Variants in NKAIN2 observed in about 807,000 individuals in gnomAD.
NKAIN2 encodes the protein sodium/potassium transporting ATPase interacting 2.
NKAIN2 carries 14 observed loss-of-function variants against 32.6 expected under a neutral mutation model. That is an observed-to-expected ratio of 0.43 (90% CI 0.28 to 0.67). NKAIN2 has a LOEUF of 0.67. NKAIN2 is among the 30% of genes least tolerant of loss of function. The pLI, the probability that NKAIN2 is intolerant of heterozygous loss-of-function variation, is 0.17. For missense variants in NKAIN2, 198 were observed against 258.3 expected, an observed-to-expected ratio of 0.77 and a Z score of 1.60; for synonymous variants, 80 against 87.2, an observed-to-expected ratio of 0.92 and a Z score of 0.46.
chr6:124,421,549 G>A (rs1774750942), intron 3 of NKAIN2, among the ~76,000 whole-genome samples: 1 of 152,096 alleles, frequency 6.6e-6, no homozygotes. Context: ...CATTTTAATA[G>A]GTTCTACAGT....
chr6:124,100,968 T>A (rs1464799676), intron 1 of NKAIN2, among the ~76,000 whole-genome samples: 2 of 152,150 alleles, frequency 1.3e-5, no homozygotes, highest in Non-Finnish European at 2.9e-5. Flanking sequence ...TTGCCACAGG[T>A]GCTATATTTA....
At chr6:123,930,973 A>G (rs1180171659) in intron 1 of NKAIN2, among the ~76,000 whole-genome samples, 1 of 152,174 alleles carries the variant, frequency 6.6e-6, no homozygotes, top group Non-Finnish European at 1.5e-5. Context: ...TTCAGGAGGA[A>G]AATGAGCTCT....
At chr6:124,815,033 AC>A (rs936634992) in intron 5 of NKAIN2, among the ~76,000 whole-genome samples, 2 of 151,616 alleles carry the variant, frequency 1.3e-5, no homozygotes, top group African/African-American at 4.8e-5. Context: ...ATCTATTGTA[AC>A]CCACTCTCCA....
chr6:124,527,235 G>A (rs1002206760), intron 3 of NKAIN2, among the ~76,000 whole-genome samples: 12 of 152,074 alleles, frequency 7.9e-5, no homozygotes, highest in Admixed American at 3.9e-4. Context: ...TATATACTCC[G>A]TAACTTGGAT....
chr6:124,811,753 G>A (rs929261097), intron 5 of NKAIN2, among the ~76,000 whole-genome samples: 22 of 152,062 alleles, frequency 1.4e-4, no homozygotes, highest in African/African-American at 4.8e-4. Flanking sequence ...TGGAGGTGAT[G>A]GATATGTTAT....
intron 1 of NKAIN2, among the ~76,000 whole-genome samples, chr6:123,974,070 T>C (rs1286453332): frequency 6.6e-6 from 1 of 152,114 alleles, no homozygotes; most frequent in East Asian, 1.9e-4. Flanking sequence ...TGAAAATGAA[T>C]CTGTAATACC....
chr6:124,437,871 G>GGTTT (rs751652394), intron 3 of NKAIN2: 4,945 of 344,418 alleles, frequency 0.014, 186 homozygotes, highest in African/African-American at 0.077. Flanking sequence ...CTGATCTATT[G>GGTTT]ATTTTTTTTT....
At chr6:124,625,435 C>T (rs190716970) in intron 3 of NKAIN2, among the ~76,000 whole-genome samples, 13 of 152,072 alleles carry the variant, frequency 8.5e-5, no homozygotes, top group African/African-American at 2.4e-4. Context: ...CAGGACAATG[C>T]GAGAGCTTAT....
chr6:124,602,532 G>A (rs536071570), intron 3 of NKAIN2, among the ~76,000 whole-genome samples: 9 of 151,986 alleles, frequency 5.9e-5, no homozygotes, highest in African/African-American at 2.2e-4. Flanking sequence ...AGAAATAAAT[G>A]CAAATTGTGG....
At chr6:124,413,020 G>T (rs1774284344) in intron 3 of NKAIN2, among the ~76,000 whole-genome samples, 1 of 152,140 alleles carries the variant, frequency 6.6e-6, no homozygotes, top group Admixed American at 6.5e-5. Context: ...AAGCCCGTTG[G>T]AAAAGTGCAG....
intron 4 of NKAIN2, among the ~76,000 whole-genome samples, chr6:124,713,421 T>C (rs1775598123): frequency 6.6e-6 from 1 of 152,194 alleles, no homozygotes; most frequent in South Asian, 2.1e-4. Flanking sequence ...GCTTCAGAGA[T>C]TTCTAGTTGA....
chr6:124,726,090 C>A (rs934886270), intron 4 of NKAIN2, among the ~76,000 whole-genome samples: 1 of 152,192 alleles, frequency 6.6e-6, no homozygotes, highest in African/African-American at 2.4e-5. Flanking sequence ...GCTAGCACAG[C>A]AGTCTGAGAT....
At chr6:124,361,771 T>C (rs1799299008) in intron 3 of NKAIN2, among the ~76,000 whole-genome samples, 1 of 152,058 alleles carries the variant, frequency 6.6e-6, no homozygotes, top group South Asian at 2.1e-4. Flanking sequence ...AGGAAGGAGA[T>C]AAAAGTTGTC....
At chr6:124,769,612 T>C (rs1307188816) in intron 4 of NKAIN2, among the ~76,000 whole-genome samples, 1 of 152,176 alleles carries the variant, frequency 6.6e-6, no homozygotes, top group African/African-American at 2.4e-5. Context: ...GTTTTCCCTG[T>C]TTCAAGCAAT....
chr6:124,293,219 TA>T (rs1441150256), intron 2 of NKAIN2, among the ~76,000 whole-genome samples: 1 of 152,094 alleles, frequency 6.6e-6, no homozygotes, highest in African/African-American at 2.4e-5. Flanking sequence ...AATATCTCTT[TA>T]AAATTTTTGG....
intron 1 of NKAIN2, among the ~76,000 whole-genome samples, chr6:124,142,573 G>A (rs1787199538): frequency 6.6e-6 from 1 of 152,112 alleles, no homozygotes; most frequent in African/African-American, 2.4e-5. Flanking sequence ...AAAACACGCA[G>A]TTGGATAGCA....
intron 3 of NKAIN2, among the ~76,000 whole-genome samples, chr6:124,619,087 A>C (rs1376682950): frequency 6.6e-6 from 1 of 152,164 alleles, no homozygotes; most frequent in Non-Finnish European, 1.5e-5. Context: ...CACATTAATC[A>C]TCATATTTAA....
At chr6:123,976,474 A>C (rs571416696) in intron 1 of NKAIN2, among the ~76,000 whole-genome samples, 3 of 145,782 alleles carry the variant, frequency 2.1e-5, no homozygotes, top group African/African-American at 7.5e-5. Context: ...GGACTAAAAA[A>C]TTCAAAATCC....
At chr6:124,712,105 G>T (rs1385934559) in intron 4 of NKAIN2, among the ~76,000 whole-genome samples, 1 of 151,592 alleles carries the variant, frequency 6.6e-6, no homozygotes, top group Non-Finnish European at 1.5e-5. Flanking sequence ...CCCCTGCTGG[G>T]GGGTGCCTCC....
Sources: gnomAD v4.1 joint callset for allele counts (sites outside exome capture counted in the v4.1 genomes callset) on GRCh38, gnomAD v4.1.1 for gene constraint, MANE v1.5 for transcripts, NCBI Gene and HGNC (gene_info 2026-07-23, HGNC 2026-07-21) for gene names.